The following EEFSEC variants were observed in gnomAD, a reference collection of about 807,000 sequenced individuals.
The protein encoded by EEFSEC is selenocysteine-specific elongation factor.
In EEFSEC, 43 loss-of-function variants were observed where a neutral mutation model predicts 42.1. The ratio of observed to expected loss-of-function variants is 1.02; its 90% confidence interval spans 0.80 to 1.32. EEFSEC has a LOEUF of 1.32. Among genes scored for constraint, EEFSEC ranks in the 40% most tolerant of loss-of-function variants. The probability of loss-of-function intolerance (pLI) is 0.00; values close to 1 mark genes in which losing one functional copy is unlikely to be tolerated. For synonymous variants in EEFSEC, 354 were observed against 339.1 expected, an observed-to-expected ratio of 1.04 and a Z score of -0.48; for missense variants, 745 against 803.6, an observed-to-expected ratio of 0.93 and a Z score of 0.88.
intron 2 of EEFSEC, among the ~76,000 whole-genome samples, chr3:128,258,729 C>T (rs1479109886): frequency 1.3e-5 from 2 of 152,080 alleles, no homozygotes; most frequent in African/African-American, 4.8e-5. Flanking sequence ...GCTATCATAT[C>T]GTTTTTTCGT....
chr3:128,246,827 T>G lies in EEFSEC; in HGVS notation c.317-9T>G. The stretch of plus-strand genomic sequence containing the variant: ...TTTCCCTTTCTAACCTTCTCTTCTC[T>G]TATTCCAGGGGCCCAGATCATTGAT... On this transcript the variant is annotated splice_polypyrimidine_tract_variant and intron_variant, in intron 1 of 6. Coordinates refer to ENST00000254730, the MANE Select transcript of EEFSEC (RefSeq NM_021937.5). 6.2e-7 allele frequency: 1 copy of G among 1,613,336 alleles called. No homozygotes were observed. Among genetic ancestry groups the G allele is most frequent in the African/African-American group, 1.3e-5 (1 of 75,054 alleles).
At chr3:128,240,193 T>A (rs2066055665) in intron 1 of EEFSEC, among the ~76,000 whole-genome samples, 1 of 152,226 alleles carries the variant, frequency 6.6e-6, no homozygotes, top group African/African-American at 2.4e-5. Flanking sequence ...TGTGTTTGCC[T>A]GGGGTCTGCC....
intron 1 of EEFSEC, among the ~76,000 whole-genome samples, chr3:128,218,491 G>A (rs957958698): frequency 2.0e-5 from 3 of 152,212 alleles, no homozygotes; most frequent in Non-Finnish European, 4.4e-5. Flanking sequence ...CCATGTCTTA[G>A]AGTGGACTAC....
At chr3:128,377,943 C>T (rs2107611237) in intron 6 of EEFSEC, among the ~76,000 whole-genome samples, 1 of 152,296 alleles carries the variant, frequency 6.6e-6, no homozygotes, top group Non-Finnish European at 1.5e-5. Context: ...CTTTAATTTG[C>T]ATTTCTTTGA....
At chr3:128,294,278 A>T (rs1358132162) in intron 4 of EEFSEC, among the ~76,000 whole-genome samples, 3 of 152,140 alleles carry the variant, frequency 2.0e-5, no homozygotes, top group African/African-American at 7.2e-5. Flanking sequence ...AGCCCTGAAG[A>T]TTGCCAGGAA....
the EEFSEC span, among the ~76,000 whole-genome samples, chr3:128,426,026 A>G: frequency 6.6e-6 from 1 of 152,222 alleles, no homozygotes; most frequent in Non-Finnish European, 1.5e-5. Flanking sequence ...GGGACCTGCT[A>G]GAAACCTTAC....
intron 1 of EEFSEC, among the ~76,000 whole-genome samples, chr3:128,235,740 C>T (rs1315380887): frequency 6.6e-6 from 1 of 152,192 alleles, no homozygotes; most frequent in Non-Finnish European, 1.5e-5. Flanking sequence ...ACTTCCCTTC[C>T]AACAGGCAGT....
At chr3:128,171,198 T>A (rs1248137680) in intron 1 of EEFSEC, among the ~76,000 whole-genome samples, 3 of 152,230 alleles carry the variant, frequency 2.0e-5, no homozygotes, top group African/African-American at 7.2e-5. Context: ...TAAAATGACC[T>A]CTGACTTTTT....
At chr3:128,197,249 A>G (rs567841094) in intron 1 of EEFSEC, among the ~76,000 whole-genome samples, 2 of 152,328 alleles carry the variant, frequency 1.3e-5, no homozygotes, top group African/African-American at 4.8e-5. Flanking sequence ...TGGGGCTAGA[A>G]TCCTGGAGGC....
At chr3:128,250,915 T>G (rs1379553952) in intron 2 of EEFSEC, among the ~76,000 whole-genome samples, 2 of 149,732 alleles carry the variant, frequency 1.3e-5, no homozygotes, top group African/African-American at 4.9e-5. Context: ...TTTTTGGTTT[T>G]TTTTTTTTTT....
intron 1 of EEFSEC, among the ~76,000 whole-genome samples, chr3:128,174,377 G>A (rs576372853): frequency 6.6e-6 from 1 of 152,322 alleles, no homozygotes; most frequent in African/African-American, 2.4e-5. Flanking sequence ...AGTAATTTCA[G>A]TTTTTGCAGT....
chr3:128,401,715 A>G (rs1002925354), intron 6 of EEFSEC, among the ~76,000 whole-genome samples: 2 of 152,166 alleles, frequency 1.3e-5, no homozygotes, highest in African/African-American at 4.8e-5. Flanking sequence ...CCCGGACCCT[A>G]GAGCAATCCT....
chr3:128,380,780 G>A (rs138922523), intron 6 of EEFSEC, among the ~76,000 whole-genome samples: 1,676 of 152,328 alleles, frequency 0.011, 14 homozygotes, highest in Non-Finnish European at 0.018. Flanking sequence ...TTGTGTCCAC[G>A]TCTCCACAAT....
intron 5 of EEFSEC, among the ~76,000 whole-genome samples, chr3:128,347,738 G>A (rs539097576): frequency 1.1e-4 from 17 of 152,122 alleles, no homozygotes; most frequent in Admixed American, 2.6e-4. Context: ...ATCATGTAAC[G>A]ATAAAAGGCT....
At chr3:128,290,769 A>G (rs2955101) in intron 4 of EEFSEC, among the ~76,000 whole-genome samples, 127,729 of 152,080 alleles carry the variant, frequency 0.84, 54,119 homozygotes, top group East Asian at 0.99. Context: ...GTTTTTTGAC[A>G]GAGTTGCACT....
intron 1 of EEFSEC, among the ~76,000 whole-genome samples, chr3:128,210,138 C>G (rs1478394578): frequency 6.6e-6 from 1 of 152,164 alleles, no homozygotes; most frequent in Non-Finnish European, 1.5e-5. Flanking sequence ...GAGGTCTGGG[C>G]TTTGGGGCTA....
chr3:128,367,530 C>A, intron 6 of EEFSEC: 1 of 626,838 alleles, frequency 1.6e-6, no homozygotes, highest in Non-Finnish European at 2.0e-6. Context: ...TCGAACCAGC[C>A]ACCTGCTGTG....
rs1377757577 is a variant in EEFSEC, at chr3:128,241,574, A to C, written c.317-5262A>C. On this transcript the variant is annotated intron_variant, in intron 1 of 6. Transcript: ENST00000254730. Reference sequence around the variant, plus strand: ...TGCCTAGGCTGGTCTTGAACTCCTGAGCTCAAGTGATCTGCCCACTTTAGC... The same window carrying C: ...TGCCTAGGCTGGTCTTGAACTCCTGCGCTCAAGTGATCTGCCCACTTTAGC... Among the ~76,000 whole-genome samples, 3 of 152,220 alleles carry C rather than the reference A, an allele frequency of 2.0e-5. No homozygotes were observed. In the East Asian group the frequency reaches 5.8e-4, roughly 29 times the overall value.
intron 1 of EEFSEC, among the ~76,000 whole-genome samples, chr3:128,184,139 G>T (rs1040677706): frequency 4.6e-5 from 7 of 152,122 alleles, no homozygotes; most frequent in Non-Finnish European, 8.8e-5. Context: ...TACTTTTAGT[G>T]TTTTTTCCTA....
Sources: gnomAD v4.1 joint callset for allele counts (sites outside exome capture counted in the v4.1 genomes callset) on GRCh38, gnomAD v4.1.1 for gene constraint, MANE v1.5 for transcripts, NCBI Gene and HGNC (gene_info 2026-07-23, HGNC 2026-07-21) for gene names.